GRID2: variants seen among roughly 807,000 people sequenced by gnomAD.
GRID2 encodes glutamate ionotropic receptor delta type subunit 2.
Under a neutral mutation model 114.8 loss-of-function variants are expected in GRID2, and 33 were observed. The observed-to-expected ratio is 0.29, with a 90% CI of 0.22 to 0.38. GRID2 has a LOEUF of 0.38. GRID2 is among the 10% of genes least tolerant of loss of function. The probability of loss-of-function intolerance (pLI) is 1.00; values close to 1 mark genes in which losing one functional copy is unlikely to be tolerated. For missense variants in GRID2, 1,184 were observed against 1,257.7 expected, an observed-to-expected ratio of 0.94 and a Z score of 0.89; for synonymous variants, 505 against 449.9, an observed-to-expected ratio of 1.12 and a Z score of -1.55.
intron 1 of GRID2, among the ~76,000 whole-genome samples, chr4:92,577,308 A>G (rs1035281205): frequency 7.2e-5 from 11 of 152,192 alleles, no homozygotes; most frequent in Admixed American, 7.2e-4. Flanking sequence ...GGGACCTGTC[A>G]CTGGCTGTGG....
chr4:92,691,492 G>A lies in GRID2; in HGVS notation c.244+101206G>A, dbSNP rs186435944. 2.7e-3 allele frequency among the ~76,000 whole-genome samples: 414 copies of A among 152,206 alleles called. 1 individual carries two copies. Among genetic ancestry groups the A allele is most frequent in the Non-Finnish European group, 4.6e-3 (312 of 68,016 alleles). On this transcript the variant is annotated intron_variant, in intron 2 of 15. Transcript: ENST00000282020. The stretch of plus-strand genomic sequence containing the variant: ...GGGATGGAATCTGAAGGGAGCGATG[G>A]CATTGGTCAGATGTATGCAAGCAGA...
intron 2 of GRID2, among the ~76,000 whole-genome samples, chr4:92,905,935 A>G (rs1387201500): frequency 6.6e-6 from 1 of 152,158 alleles, no homozygotes; most frequent in Non-Finnish European, 1.5e-5. Context: ...AAGTCTTAAT[A>G]TGCATATTAC....
chr4:93,285,244 A>G (rs1230388631), intron 8 of GRID2, among the ~76,000 whole-genome samples: 2 of 152,212 alleles, frequency 1.3e-5, no homozygotes, highest in East Asian at 3.9e-4. Flanking sequence ...TGTGCACTTA[A>G]GTTCCTTTAA....
chr4:92,591,328 G>A (rs1237362025), intron 2 of GRID2, among the ~76,000 whole-genome samples: 8 of 152,242 alleles, frequency 5.3e-5, no homozygotes, highest in Admixed American at 4.6e-4. Flanking sequence ...CTCCAGAACT[G>A]TAAGCAATAA....
At chr4:93,797,279 T>C (rs1734823459) in intron 1 of GRID2, among the ~76,000 whole-genome samples, 2 of 152,232 alleles carry the variant, frequency 1.3e-5, no homozygotes, top group Non-Finnish European at 2.9e-5. Flanking sequence ...TTTTTGAGGT[T>C]TTATAAGGAA....
At chr4:93,599,214 C>A (rs1477012242) in intron 13 of GRID2, among the ~76,000 whole-genome samples, 2 of 152,184 alleles carry the variant, frequency 1.3e-5, no homozygotes, top group African/African-American at 4.8e-5. Flanking sequence ...CTGCAGCACT[C>A]TGTTTAATGA....
chr4:92,550,613 A>T (rs1007238110), intron 1 of GRID2, among the ~76,000 whole-genome samples: 14 of 152,300 alleles, frequency 9.2e-5, no homozygotes, highest in African/African-American at 3.1e-4. Flanking sequence ...TGAGGCTTGA[A>T]GAGCTTGCTC....
chr4:93,689,167 C>T (rs999427888), intron 14 of GRID2, among the ~76,000 whole-genome samples: 4 of 151,932 alleles, frequency 2.6e-5, no homozygotes, highest in Admixed American at 1.3e-4. Flanking sequence ...GAAACCAACC[C>T]TGCTGACACC....
chr4:93,329,525 A>G (rs1456358801), intron 8 of GRID2, among the ~76,000 whole-genome samples: 1 of 152,158 alleles, frequency 6.6e-6, no homozygotes. Context: ...TAGTTTCTCA[A>G]GATCCTAATT....
chr4:92,930,932 A>T, intron 2 of GRID2, among the ~76,000 whole-genome samples: 1 of 151,042 alleles, frequency 6.6e-6, no homozygotes, highest in East Asian at 1.9e-4. Flanking sequence ...TAATTCTATC[A>T]AGCATTTGGG....
intron 1 of GRID2, among the ~76,000 whole-genome samples, chr4:92,441,360 T>TG (rs1367702806): frequency 6.7e-6 from 1 of 148,954 alleles, no homozygotes; most frequent in African/African-American, 2.5e-5. Flanking sequence ...AGGTAATTTG[T>TG]GGAGCTTGAT....
chr4:93,238,782 G>A (rs1258595560), intron 8 of GRID2, among the ~76,000 whole-genome samples: 1 of 151,636 alleles, frequency 6.6e-6, no homozygotes, highest in East Asian at 1.9e-4. Flanking sequence ...TTATAAAATA[G>A]TAAATTTAAT....
intron 1 of GRID2, among the ~76,000 whole-genome samples, chr4:92,346,792 T>G (rs1161858111): frequency 1.3e-5 from 2 of 152,210 alleles, no homozygotes; most frequent in Admixed American, 1.3e-4. Context: ...TATAAAAATT[T>G]CATATGCAAT....
chr4:93,042,275 TTCTC>T (rs533042666), intron 2 of GRID2, among the ~76,000 whole-genome samples: 25,284 of 124,946 alleles, frequency 0.2, 2,951 homozygotes, highest in Non-Finnish European at 0.26. Flanking sequence ...CTCTCTCTCT[TTCTC>T]TCTCTCTCTC....
chr4:93,363,566 G>A (rs1762071211), intron 8 of GRID2, among the ~76,000 whole-genome samples: 1 of 151,922 alleles, frequency 6.6e-6, no homozygotes, highest in South Asian at 2.1e-4. Context: ...TGTTGTTACT[G>A]TTGTGTGAGT....
intron 14 of GRID2, among the ~76,000 whole-genome samples, chr4:93,693,739 C>G (rs912441041): frequency 4.6e-5 from 7 of 152,036 alleles, no homozygotes; most frequent in African/African-American, 1.7e-4. Context: ...TCGAGGACCA[C>G]AGTAATTTCA....
In GRID2 at chr4:92,967,652, A is replaced by C. The variant is rs1390345695; in HGVS notation, c.245-117343A>C. On this transcript the variant is annotated intron_variant, in intron 2 of 15. Coordinates refer to ENST00000282020, the MANE Select transcript of GRID2 (RefSeq NM_001510.4). ...GAGTTCTAATATAAATTCAAATTCA[A>C]CTGTGATGTATTTTAGTTCTATAAT... Among the ~76,000 whole-genome samples, 8 of 151,930 alleles carry C rather than the reference A, an allele frequency of 5.3e-5. No individual in the cohort carries two copies. The East Asian group carries it at 1.2e-3, about 22-fold the overall frequency.
At chr4:92,669,359 G>A (rs1023816350) in intron 2 of GRID2, among the ~76,000 whole-genome samples, 4 of 151,822 alleles carry the variant, frequency 2.6e-5, no homozygotes, top group Non-Finnish European at 5.9e-5. Context: ...CAACTGGAAA[G>A]CTTTGTATAT....
At chr4:92,326,526 A>G (rs1259052687) in intron 1 of GRID2, among the ~76,000 whole-genome samples, 1 of 151,938 alleles carries the variant, frequency 6.6e-6, no homozygotes, top group Admixed American at 6.6e-5. Context: ...GAAGTATAGA[A>G]TATATAGAAA....
Sources: allele counts gnomAD v4.1 joint callset (sites outside exome capture counted in the v4.1 genomes callset), GRCh38; gene constraint gnomAD v4.1.1; transcripts MANE v1.5; gene names NCBI Gene and HGNC (gene_info 2026-07-23, HGNC 2026-07-21).